Variants in ADAM12 observed in about 807,000 individuals in gnomAD.
The protein encoded by ADAM12 is ADAM metallopeptidase domain 12, also known as disintegrin and metalloproteinase domain-containing protein 12.
Under a neutral mutation model 106.4 loss-of-function variants are expected in ADAM12, and 70 were observed. That is an observed-to-expected ratio of 0.66 (90% CI 0.54 to 0.80). The LOEUF (loss-of-function observed/expected upper bound fraction) is 0.80, where lower values mean the gene tolerates loss of function less well. Among genes scored for constraint, ADAM12 ranks in the 30% least tolerant of loss-of-function variants. ADAM12 has a pLI of 0.00. For missense variants in ADAM12, 1,010 were observed against 1,171.9 expected (o/e 0.86, Z 2.02); for synonymous variants, 420 against 433.5 (o/e 0.97, Z 0.39).
At chr10:126,121,224 CT>C (rs1399051488) in intron 5 of ADAM12, among the ~76,000 whole-genome samples, 8 of 99,784 alleles carry the variant, frequency 8.0e-5, no homozygotes, top group African/African-American at 1.3e-4. Flanking sequence ...ATATTATATA[CT>C]ATAGTATATA....
At chr10:126,246,904 T>A (rs551405951) in intron 3 of ADAM12, among the ~76,000 whole-genome samples, 1 of 152,288 alleles carries the variant, frequency 6.6e-6, no homozygotes, top group South Asian at 2.1e-4. Flanking sequence ...AGAGAAAGTA[T>A]TAAAGGGCAT....
intron 21 of ADAM12, among the ~76,000 whole-genome samples, chr10:126,035,707 C>T (rs765814868): frequency 5.9e-5 from 9 of 152,112 alleles, no homozygotes; most frequent in Middle Eastern, 3.4e-3. Context: ...AAGTTTGGTA[C>T]GGAGACACTC....
chr10:126,251,191 C>T (rs1958738592), intron 3 of ADAM12, among the ~76,000 whole-genome samples: 1 of 152,190 alleles, frequency 6.6e-6, no homozygotes, highest in African/African-American at 2.4e-5. Context: ...TTTCCAAGAT[C>T]CCCAAGTGGT....
At chr10:126,217,398 G>T (rs111307555) in intron 3 of ADAM12, among the ~76,000 whole-genome samples, 2,171 of 148,458 alleles carry the variant, frequency 0.015, 28 homozygotes, top group South Asian at 0.033. Context: ...ACGGAGTTTC[G>T]CTCTTGTTGA....
intron 3 of ADAM12, among the ~76,000 whole-genome samples, chr10:126,156,955 G>A (rs10901540): frequency 0.34 from 52,278 of 152,014 alleles, 10,879 homozygotes; most frequent in Non-Finnish European, 0.48. Flanking sequence ...GATGGTGAAG[G>A]TGCTGCCTGC....
intron 1 of ADAM12, among the ~76,000 whole-genome samples, chr10:126,366,314 A>C (rs1855908320): frequency 6.6e-6 from 1 of 152,166 alleles, no homozygotes; most frequent in Non-Finnish European, 1.5e-5. Flanking sequence ...GTATGAAAAC[A>C]CTGCTTCCAT....
chr10:126,345,748 T>G (rs923691248), intron 1 of ADAM12, among the ~76,000 whole-genome samples: 1 of 152,234 alleles, frequency 6.6e-6, no homozygotes, highest in African/African-American at 2.4e-5. Flanking sequence ...TGGTTTAGTC[T>G]TGGGAGGGTG....
intron 1 of ADAM12, among the ~76,000 whole-genome samples, chr10:126,357,058 C>A (rs1172293472): frequency 6.6e-6 from 1 of 152,108 alleles, no homozygotes; most frequent in African/African-American, 2.4e-5. Flanking sequence ...GAAATAATGG[C>A]TGAAAACTTC....
intron 3 of ADAM12, among the ~76,000 whole-genome samples, chr10:126,218,257 C>G (rs1052921916): frequency 6.6e-6 from 1 of 152,128 alleles, no homozygotes; most frequent in African/African-American, 2.4e-5. Context: ...AATACACGTG[C>G]CCCGACAACA....
At chr10:126,065,623 T>A (rs1355830466) in intron 13 of ADAM12, among the ~76,000 whole-genome samples, 2 of 152,124 alleles carry the variant, frequency 1.3e-5, no homozygotes, top group African/African-American at 4.8e-5. Context: ...GAGTAGCCCG[T>A]CTGAGGCTAC....
At chr10:126,106,481 TTCTTC>T (rs1955770257) in intron 8 of ADAM12, among the ~76,000 whole-genome samples, 1 of 144,252 alleles carries the variant, frequency 6.9e-6, no homozygotes, top group African/African-American at 2.8e-5. Flanking sequence ...CTTTTTCTTC[TTCTTC>T]TTTTTTTTTT....
Position 126,049,160 on chromosome 10 carries a change from A to G in ADAM12, c.1917+93T>C. 1 of 1,528,550 alleles carries G rather than the reference A, an allele frequency of 6.5e-7. No individual in the cohort carries two copies. Among genetic ancestry groups the G allele is most frequent in the Non-Finnish European group, 8.9e-7 (1 of 1,118,324 alleles). 94.7% of individuals were successfully genotyped at this position (1,528,550 alleles called of 1,614,324 possible). On this transcript the variant is annotated intron_variant, in intron 16 of 22. Coordinates refer to ENST00000448723, the MANE Select transcript of ADAM12 (RefSeq NM_001288973.2). The surrounding 1 kb of genome is among the most constrained non-coding windows in gnomAD (Gnocchi z 4.4). ...ATCTGAGAAGAAGTAGATTTAGGAA[A>G]ACCAACAAACCTTGTAACCCAGTTC...
At chr10:126,031,466 CT>C (rs1281576236) in intron 21 of ADAM12, among the ~76,000 whole-genome samples, 2 of 152,186 alleles carry the variant, frequency 1.3e-5, no homozygotes, top group African/African-American at 4.8e-5. Context: ...CAGCACCTGA[CT>C]GATCTACAAT....
intron 3 of ADAM12, among the ~76,000 whole-genome samples, chr10:126,197,671 G>A (rs1005795417): frequency 2.0e-5 from 3 of 152,232 alleles, no homozygotes; most frequent in African/African-American, 7.2e-5. Context: ...AACAGACCTG[G>A]GTTTGGCATG....
At chr10:126,298,669 A>T (rs191728835) in intron 2 of ADAM12, among the ~76,000 whole-genome samples, 28 of 152,088 alleles carry the variant, frequency 1.8e-4, no homozygotes, top group Admixed American at 7.9e-4. Flanking sequence ...ATACTTTTAT[A>T]AAAAAAATCA....
chr10:126,113,687 A>AATATATATAT (rs71309278), intron 6 of ADAM12, among the ~76,000 whole-genome samples: 17 of 24,124 alleles, frequency 7.0e-4, no homozygotes, highest in South Asian at 5.2e-3. Context: ...AAAAAAAAAA[A>AATATATATAT]ATATATATAT....
chr10:126,162,227 A>AG (rs1441946894), intron 3 of ADAM12, among the ~76,000 whole-genome samples: 2 of 151,994 alleles, frequency 1.3e-5, no homozygotes, highest in African/African-American at 4.8e-5. Flanking sequence ...CAGCCTGGGG[A>AG]GGGGGTGCCC....
At chr10:126,279,263 AAAT>A (rs150641257) in intron 2 of ADAM12, among the ~76,000 whole-genome samples, 4,548 of 151,986 alleles carry the variant, frequency 0.03, 236 homozygotes, top group African/African-American at 0.1. Flanking sequence ...CAAAAAGTAA[AAAT>A]AAAAAAAATC....
At chr10:126,091,906 C>T (rs1354262092) in intron 11 of ADAM12, among the ~76,000 whole-genome samples, 2 of 151,510 alleles carry the variant, frequency 1.3e-5, no homozygotes, top group Non-Finnish European at 2.9e-5. Flanking sequence ...GGTGGAGAGA[C>T]AGATGGAAAG....
Sources: allele counts gnomAD v4.1 joint callset (sites outside exome capture counted in the v4.1 genomes callset), GRCh38; gene constraint gnomAD v4.1.1; non-coding constraint Gnocchi (gnomAD v3.1); transcripts MANE v1.5; gene names NCBI Gene and HGNC (gene_info 2026-07-23, HGNC 2026-07-21).